The following IBSP variants were observed in gnomAD, a reference collection of about 807,000 sequenced individuals.
The protein encoded by IBSP is integrin binding sialoprotein, also known as integrin-binding sialoprotein.
Under a neutral mutation model 25.5 loss-of-function variants are expected in IBSP, and 19 were observed. The ratio of observed to expected loss-of-function variants is 0.74; its 90% confidence interval spans 0.52 to 1.09. The LOEUF is 1.09. Among genes scored for constraint, IBSP ranks in the 50% least tolerant of loss-of-function variants. The pLI is 0.00. For synonymous variants in IBSP, 144 were observed against 137.6 expected (o/e 1.05, Z -0.33); for missense variants, 360 against 382.3 (o/e 0.94, Z 0.49).
intron 1 of IBSP, among the ~76,000 whole-genome samples, chr4:87,800,050 A>C (rs189241112): frequency 7.0e-4 from 106 of 152,310 alleles, no homozygotes; most frequent in Non-Finnish European, 1.1e-3. Flanking sequence ...AACATATTAA[A>C]CATTAGGTTT....
chr4:87,809,292 G>T (rs112041557), intron 5 of IBSP, among the ~76,000 whole-genome samples: 1 of 152,286 alleles, frequency 6.6e-6, no homozygotes, highest in Non-Finnish European at 1.5e-5. Context: ...AAAAGAAAAG[G>T]TGTAAGAGAA....
intron 1 of IBSP, among the ~76,000 whole-genome samples, chr4:87,801,416 T>C (rs1465020392): frequency 6.6e-6 from 1 of 151,820 alleles, no homozygotes; most frequent in South Asian, 2.1e-4. Flanking sequence ...ATGATGTCAG[T>C]GTGATATTTC....
chr4:87,810,494 G>T (rs1482376821), intron 5 of IBSP, 112 bp from the exon 6 acceptor site: 2 of 791,758 alleles, frequency 2.5e-6, no homozygotes. Context: ...CCAGCTGAGG[G>T]ATGCAAAGTT....
intron 5 of IBSP, among the ~76,000 whole-genome samples, 161 bp downstream of exon 5, chr4:87,806,345 C>A (rs1226473065): frequency 4.6e-5 from 7 of 152,118 alleles, no homozygotes; most frequent in Non-Finnish European, 1.0e-4. Flanking sequence ...AAATTAGGAT[C>A]CACTAACATG....
intron 5 of IBSP, among the ~76,000 whole-genome samples, chr4:87,809,073 A>G (rs781527349): frequency 1.3e-5 from 2 of 152,166 alleles, no homozygotes; most frequent in African/African-American, 2.4e-5. Flanking sequence ...CCATCCGTGT[A>G]TGAGGGTTCC....
intron 4 of IBSP, among the ~76,000 whole-genome samples, chr4:87,805,821 A>G (rs1722080956): frequency 6.6e-6 from 1 of 152,184 alleles, no homozygotes; most frequent in African/African-American, 2.4e-5. Context: ...TTTACATACA[A>G]AATGTTTCAA....
chr4:87,806,457 AT>A (rs1485888184), intron 5 of IBSP, among the ~76,000 whole-genome samples: 2 of 150,912 alleles, frequency 1.3e-5, no homozygotes, highest in Non-Finnish European at 1.5e-5. Context: ...ATAAAATCTG[AT>A]AAAAAGCAAC....
At chr4:87,811,316 C>T in intron 6 of IBSP, 46 bp from the exon 7 acceptor site, 3 of 1,545,246 alleles carry the variant, frequency 1.9e-6, no homozygotes, top group East Asian at 2.2e-5. Flanking sequence ...TTAAATTTTA[C>T]ATTTTTCACA....
intron 1 of IBSP, among the ~76,000 whole-genome samples, chr4:87,800,980 G>T (rs1722005286): frequency 6.6e-6 from 1 of 152,142 alleles, no homozygotes; most frequent in Non-Finnish European, 1.5e-5. Flanking sequence ...ATGGCTGAGT[G>T]TTAGTAGGCT....
At chr4:87,810,011 C>T (rs1339293151) in intron 5 of IBSP, among the ~76,000 whole-genome samples, 2 of 152,108 alleles carry the variant, frequency 1.3e-5, no homozygotes, top group African/African-American at 4.8e-5. Flanking sequence ...GCGGGCAGAT[C>T]ACAACGTCAA....
intron 6 of IBSP, among the ~76,000 whole-genome samples, chr4:87,811,136 G>A (rs28565928): frequency 0.14 from 20,871 of 152,042 alleles, 1,606 homozygotes; most frequent in Middle Eastern, 0.19. Context: ...TCTCCCCCAG[G>A]AAAGGCATTA....
chr4:87,801,532 A>G (rs933134141), intron 1 of IBSP, among the ~76,000 whole-genome samples: 1 of 151,806 alleles, frequency 6.6e-6, no homozygotes, highest in Non-Finnish European at 1.5e-5. Context: ...ACACACACAC[A>G]CACACCAATT....
At chr4:87,807,776 G>A (rs999562169) in intron 5 of IBSP, among the ~76,000 whole-genome samples, 2 of 152,204 alleles carry the variant, frequency 1.3e-5, no homozygotes, top group African/African-American at 4.8e-5. Flanking sequence ...CCCAGAACGT[G>A]TCTGCAGACA....
rs1457905834 is a variant in IBSP, at chr4:87,806,155, G to A, written c.217G>A (p.Asp73Asn). 1 of 1,612,126 alleles carries A rather than the reference G, an allele frequency of 6.2e-7. No homozygotes were observed. Among genetic ancestry groups the A allele is most frequent in the Non-Finnish European group, 8.5e-7 (1 of 1,179,302 alleles). ...SSDSSEENGDDSSEEEEEEEE... is the reference protein window; with the variant it reads ...SSDSSEENGDNSSEEEEEEEE... ...TGACTCATCCGAAGAAAATGGAGAT[G>A]ACAGTTCAGAAGAGGAGGAGGAAGA... Residue 73 changes from aspartate to asparagine, a missense_variant, in exon 5 of 7, where the codon GAC (aspartate) becomes AAC (asparagine). Coordinates refer to ENST00000226284, the MANE Select transcript of IBSP (RefSeq NM_004967.4).
intron 3 of IBSP, 39 bp from the exon 4 acceptor site, chr4:87,802,615 A>G (rs1358294178): frequency 6.4e-7 from 1 of 1,565,420 alleles, no homozygotes; most frequent in Non-Finnish European, 8.6e-7. Context: ...TATTTATTGC[A>G]TATTAAACAT....
At chr4:87,807,449 T>C (rs1722104015) in intron 5 of IBSP, among the ~76,000 whole-genome samples, 1 of 150,342 alleles carries the variant, frequency 6.7e-6, no homozygotes, top group African/African-American at 2.5e-5. Context: ...AGGAAGGCCT[T>C]ACAAGAATGT....
At chr4:87,805,030 C>G (rs1722071725) in intron 4 of IBSP, among the ~76,000 whole-genome samples, 1 of 152,202 alleles carries the variant, frequency 6.6e-6, no homozygotes, top group Non-Finnish European at 1.5e-5. Context: ...TAATTATTCT[C>G]TTTTCCACCT....
intron 1 of IBSP, among the ~76,000 whole-genome samples, chr4:87,801,623 G>A (rs1363553119): frequency 6.6e-6 from 1 of 151,862 alleles, no homozygotes; most frequent in Non-Finnish European, 1.5e-5. Context: ...TATAGAAGCT[G>A]GAAACCGCCT....
In IBSP at chr4:87,802,687, A is replaced by G; in HGVS notation, c.139A>G (p.Lys47Glu). Reference protein sequence around the residue: ...FKYRPRYYLYKHAYFYPHLKR... With the variant: ...FKYRPRYYLYEHAYFYPHLKR... Reference sequence around the variant, plus strand: ...GTACAGGCCACGATATTATCTTTACAAGCATGCCTACTTTTATCCTCATTT... The same window carrying G: ...GTACAGGCCACGATATTATCTTTACGAGCATGCCTACTTTTATCCTCATTT... The change falls in exon 4 of 7, where the codon AAG becomes GAG. Residue 47 changes from lysine to glutamate, a missense_variant. Coordinates refer to ENST00000226284, the MANE Select transcript of IBSP (RefSeq NM_004967.4). 1 of 1,567,486 alleles carries G rather than the reference A, an allele frequency of 6.4e-7. No homozygotes were observed. Among genetic ancestry groups the G allele is most frequent in the Non-Finnish European group, 8.6e-7 (1 of 1,166,568 alleles).
Sources: gnomAD v4.1 joint callset for allele counts (sites outside exome capture counted in the v4.1 genomes callset) on GRCh38, gnomAD v4.1.1 for gene constraint, MANE v1.5 for transcripts, NCBI Gene and HGNC (gene_info 2026-07-23, HGNC 2026-07-21) for gene names.